Variants in MET observed in about 807,000 individuals in gnomAD.
The protein encoded by MET is hepatocyte growth factor receptor.
MET carries 48 observed loss-of-function variants against 133.1 expected under a neutral mutation model. That is an observed-to-expected ratio of 0.36 (90% CI 0.29 to 0.46). The LOEUF (loss-of-function observed/expected upper bound fraction) is 0.46, where lower values mean the gene tolerates loss of function less well. Ranked by LOEUF, MET falls within the 20% of genes least tolerant of loss-of-function variation. The pLI, the probability that MET is intolerant of heterozygous loss-of-function variation, is 1.00. For synonymous variants in MET, 628 were observed against 616.5 expected (o/e 1.02, Z -0.28); for missense variants, 1,442 against 1,695.9 (o/e 0.85, Z 2.63).
chr7:116,727,212 T>G (rs1792828832), intron 2 of MET, among the ~76,000 whole-genome samples: 1 of 152,190 alleles, frequency 6.6e-6, no homozygotes, highest in African/African-American at 2.4e-5. Context: ...CCTTTCCATT[T>G]TTGTAATTGT....
chr7:116,792,938 A>G (rs1278381639), intron 19 of MET, among the ~76,000 whole-genome samples: 1 of 152,246 alleles, frequency 6.6e-6, no homozygotes, highest in Non-Finnish European at 1.5e-5. Flanking sequence ...TGCATGAATC[A>G]TTATATGACA....
chr7:116,770,671 CA>C (rs1794804291), intron 12 of MET, among the ~76,000 whole-genome samples: 1 of 152,218 alleles, frequency 6.6e-6, no homozygotes, highest in Admixed American at 6.5e-5. Context: ...TGGAATCATA[CA>C]ATATTTGTCT....
chr7:116,747,640 C>A (rs1323259112), intron 5 of MET, among the ~76,000 whole-genome samples: 6 of 152,138 alleles, frequency 3.9e-5, no homozygotes, highest in Non-Finnish European at 8.8e-5. Context: ...TCCTTAGAGA[C>A]CTACAAGGAG....
At chr7:116,680,726 G>C (rs776070341) in intron 1 of MET, among the ~76,000 whole-genome samples, 5 of 152,106 alleles carry the variant, frequency 3.3e-5, no homozygotes, top group Non-Finnish European at 7.4e-5. Context: ...TGGATGGCTT[G>C]AGCTCAGGAG....
At chr7:116,676,707 G>A (rs1370216511) in intron 1 of MET, among the ~76,000 whole-genome samples, 1 of 152,160 alleles carries the variant, frequency 6.6e-6, no homozygotes, top group Non-Finnish European at 1.5e-5. Context: ...GCTAGAATCT[G>A]AAGGAGATAA....
chr7:116,752,727 A>T (rs1420064646), intron 5 of MET, among the ~76,000 whole-genome samples: 1 of 152,204 alleles, frequency 6.6e-6, no homozygotes, highest in Non-Finnish European at 1.5e-5. Context: ...TCTTTTCTCA[A>T]ATCATCACCC....
intron 3 of MET, among the ~76,000 whole-genome samples, chr7:116,734,583 A>C (rs1279850324): frequency 6.6e-6 from 1 of 152,266 alleles, no homozygotes; most frequent in Non-Finnish European, 1.5e-5. Context: ...ATATCTGAAA[A>C]TACTGATGCA....
intron 5 of MET, among the ~76,000 whole-genome samples, chr7:116,751,827 C>T (rs1392251633): frequency 6.6e-6 from 1 of 151,978 alleles, no homozygotes; most frequent in African/African-American, 2.4e-5. Context: ...TTTGGGAGGC[C>T]GAGGTGGGCA....
At chr7:116,755,270 T>C (rs960145378) in intron 5 of MET, 85 bp from the exon 6 acceptor site, 33 of 1,431,904 alleles carry the variant, frequency 2.3e-5, no homozygotes, top group Middle Eastern at 1.8e-4. Flanking sequence ...TATTTAAGGA[T>C]ATACATTTTG....
chr7:116,769,515 A>G lies in MET; in HGVS notation c.2584-130A>G, dbSNP rs747331344. 8 of 1,106,778 alleles carry G rather than the reference A, an allele frequency of 7.2e-6. No individual in the cohort carries two copies. The East Asian group carries it at 7.4e-5, about 10-fold the overall frequency. The allele number at this position is 1,106,778 out of a possible 1,614,324, so 68.6% of individuals were successfully genotyped here. On this transcript the variant is annotated intron_variant, in intron 11 of 20. Transcript: ENST00000397752. ...CATCCCAATTCCCATGAAAATTAGT[A>G]TCATAGAATCGTGTGCCTTGGCAAA...
intron 2 of MET, among the ~76,000 whole-genome samples, chr7:116,710,152 T>A (rs1470586005): frequency 6.6e-6 from 1 of 152,194 alleles, no homozygotes; most frequent in African/African-American, 2.4e-5. Context: ...CTAAACTTAC[T>A]CTCACTTTCA....
chr7:116,733,568 G>A (rs1039561429), intron 3 of MET, among the ~76,000 whole-genome samples: 1 of 152,058 alleles, frequency 6.6e-6, no homozygotes, highest in African/African-American at 2.4e-5. Flanking sequence ...GATATGTCAC[G>A]CATCAGTCTC....
intron 2 of MET, among the ~76,000 whole-genome samples, chr7:116,716,455 AAAAG>A (rs1161474789): frequency 2.0e-5 from 3 of 146,936 alleles, no homozygotes; most frequent in Non-Finnish European, 3.0e-5. Flanking sequence ...AAAGAAAAAG[AAAAG>A]AAAGAAAGAG....
chr7:116,784,891 C>T (rs1795263646), intron 19 of MET, among the ~76,000 whole-genome samples: 1 of 152,120 alleles, frequency 6.6e-6, no homozygotes. Flanking sequence ...TGCCTATGAG[C>T]CTGTAAAATA....
intron 16 of MET, 45 bp from the exon 17 acceptor site, chr7:116,778,731 A>C (rs1795064556): frequency 1.3e-6 from 2 of 1,595,796 alleles, no homozygotes; most frequent in African/African-American, 1.3e-5. Flanking sequence ...AAAAGTATTC[A>C]CTGTTCCATA....
At chr7:116,772,070 T>C (rs1264071222) in intron 14 of MET, 81 bp downstream of exon 14, 2 of 1,512,256 alleles carry the variant, frequency 1.3e-6, no homozygotes, top group Non-Finnish European at 1.8e-6. Context: ...TTTTTGGTTT[T>C]GCATTTATAT....
rs199951038 is a variant in MET, at chr7:116,705,302, TAAAC to T, written c.1200+5022_1200+5025del. Among the ~76,000 whole-genome samples the T allele has an allele frequency of 8.2e-3, 1,249 of 152,184 alleles. 25 individuals carry two copies. The highest frequency in any genetic ancestry group is 0.028 in the African/African-American group (1,157 of 41,550). ...GCATGTCTCGTAATATTTAATAAAA[TAAAC>T]AAAGATTTATAACTTTTATAGGCCA... On this transcript the variant is annotated intron_variant, in intron 2 of 20. Coordinates refer to ENST00000397752, the MANE Select transcript of MET (RefSeq NM_000245.4).
chr7:116,679,771 G>A (rs988927727), intron 1 of MET, among the ~76,000 whole-genome samples: 1 of 152,198 alleles, frequency 6.6e-6, no homozygotes, highest in African/African-American at 2.4e-5. Flanking sequence ...CCTTCTTGCT[G>A]TAGTTAGATT....
chr7:116,684,259 T>A (rs1045126981), intron 1 of MET, among the ~76,000 whole-genome samples: 1 of 152,256 alleles, frequency 6.6e-6, no homozygotes, highest in African/African-American at 2.4e-5. Flanking sequence ...AATATGTGTA[T>A]AATCTAGTCC....
Sources: gnomAD v4.1 joint callset for allele counts (sites outside exome capture counted in the v4.1 genomes callset) on GRCh38, gnomAD v4.1.1 for gene constraint, MANE v1.5 for transcripts, NCBI Gene and HGNC (gene_info 2026-07-23, HGNC 2026-07-21) for gene names.